The following NKAIN3 variants were observed in gnomAD, a reference collection of about 807,000 sequenced individuals.
NKAIN3 encodes the protein sodium/potassium-transporting ATPase subunit beta-1-interacting protein 3.
NKAIN3 carries 25 observed loss-of-function variants against 30.2 expected under a neutral mutation model. That is an observed-to-expected ratio of 0.83 (90% CI 0.60 to 1.16). NKAIN3 has a LOEUF of 1.16. Ranked by LOEUF, NKAIN3 falls within the 50% of genes most tolerant of loss-of-function variation. The pLI, the probability that NKAIN3 is intolerant of heterozygous loss-of-function variation, is 0.00. For missense variants in NKAIN3, 225 were observed against 254.1 expected (o/e 0.89, Z 0.78); for synonymous variants, 91 against 89.6 (o/e 1.02, Z -0.09).
intron 3 of NKAIN3, among the ~76,000 whole-genome samples, chr8:62,710,022 G>C (rs1586115008): frequency 6.6e-6 from 1 of 152,038 alleles, no homozygotes; most frequent in East Asian, 1.9e-4. Flanking sequence ...CCATGTATTT[G>C]CATTGTTTTG....
intron 1 of NKAIN3, among the ~76,000 whole-genome samples, chr8:62,370,586 A>T (rs913665170): frequency 1.4e-4 from 21 of 152,094 alleles, no homozygotes; most frequent in African/African-American, 4.8e-4. Context: ...TTATTTTCAT[A>T]ATTTGGCTGT....
chr8:62,276,476 A>G (rs1464953830), intron 1 of NKAIN3, among the ~76,000 whole-genome samples: 1 of 152,214 alleles, frequency 6.6e-6, no homozygotes, highest in Non-Finnish European at 1.5e-5. Flanking sequence ...CTAGATATAG[A>G]TCAATTATTG....
chr8:62,352,982 C>G (rs957312221), intron 1 of NKAIN3, among the ~76,000 whole-genome samples: 32 of 152,174 alleles, frequency 2.1e-4, no homozygotes, highest in Non-Finnish European at 1.2e-4. Flanking sequence ...GAACAAGAGT[C>G]CATCTGCCTT....
chr8:62,973,789 T>G lies in NKAIN3; in HGVS notation c.*8382T>G, dbSNP rs1258473329. On this transcript the variant is annotated 3_prime_UTR_variant, in exon 7 of 7. Coordinates refer to ENST00000623646, the MANE Select transcript of NKAIN3 (RefSeq NM_001304533.3). ...CTTAGGTTTTCTTCTAGGGTTTTAATGGCTTTGGGTTTTACATTTAAGTTT... is the reference window on the plus strand; with the variant it reads ...CTTAGGTTTTCTTCTAGGGTTTTAAGGGCTTTGGGTTTTACATTTAAGTTT... Among the ~76,000 whole-genome samples, 6 of 152,240 alleles carry G rather than the reference T, an allele frequency of 3.9e-5. No homozygotes were observed. Among genetic ancestry groups the G allele is most frequent in the Admixed American group, 3.9e-4 (6 of 15,282 alleles).
intron 4 of NKAIN3, among the ~76,000 whole-genome samples, chr8:62,810,706 A>G (rs1439619737): frequency 3.4e-5 from 5 of 145,756 alleles, no homozygotes; most frequent in East Asian, 2.0e-4. Context: ...ATTGATTTAA[A>G]TCTTCCTGGT....
intron 3 of NKAIN3, among the ~76,000 whole-genome samples, chr8:62,713,470 A>G (rs559526347): frequency 1.3e-5 from 2 of 152,366 alleles, no homozygotes; most frequent in South Asian, 4.1e-4. Context: ...TAAAAAATCT[A>G]TATTGCAAAA....
chr8:62,399,899 A>G (rs1300285375), intron 1 of NKAIN3, among the ~76,000 whole-genome samples: 1 of 152,186 alleles, frequency 6.6e-6, no homozygotes, highest in East Asian at 1.9e-4. Context: ...AAGCTTCTTC[A>G]CAGAGTTAAA....
chr8:62,642,475 T>C (rs1812339651), intron 3 of NKAIN3, among the ~76,000 whole-genome samples: 1 of 152,118 alleles, frequency 6.6e-6, no homozygotes, highest in African/African-American at 2.4e-5. Flanking sequence ...GGTGCTGACC[T>C]CTGACTGCCA....
intron 1 of NKAIN3, among the ~76,000 whole-genome samples, chr8:62,345,544 C>T (rs1386383672): frequency 7.1e-6 from 1 of 141,372 alleles, no homozygotes; most frequent in Non-Finnish European, 1.5e-5. Context: ...CACATATATA[C>T]ACATATATGT....
chr8:62,535,771 T>C (rs954805016), intron 1 of NKAIN3, among the ~76,000 whole-genome samples: 9 of 152,094 alleles, frequency 5.9e-5, no homozygotes, highest in African/African-American at 1.9e-4. Flanking sequence ...CTTGGGTTTT[T>C]ATGGAAGCCT....
chr8:62,520,847 T>C (rs1808132272), intron 1 of NKAIN3, among the ~76,000 whole-genome samples: 1 of 151,842 alleles, frequency 6.6e-6, no homozygotes, highest in Non-Finnish European at 1.5e-5. Flanking sequence ...TAAGAAGAAA[T>C]AGAAGTAACT....
At chr8:62,361,107 A>G (rs138212389) in intron 1 of NKAIN3, among the ~76,000 whole-genome samples, 1 of 152,230 alleles carries the variant, frequency 6.6e-6, no homozygotes, top group Admixed American at 6.5e-5. Context: ...CCAACGCAGT[A>G]GAATCACTGG....
intron 3 of NKAIN3, among the ~76,000 whole-genome samples, chr8:62,699,703 TGG>T (rs1814271405): frequency 6.6e-6 from 1 of 152,240 alleles, no homozygotes; most frequent in Non-Finnish European, 1.5e-5. Flanking sequence ...TTAACATTCC[TGG>T]AGTTATGATT....
At chr8:62,421,394 C>T (rs553675747) in intron 1 of NKAIN3, among the ~76,000 whole-genome samples, 3 of 152,256 alleles carry the variant, frequency 2.0e-5, no homozygotes, top group East Asian at 3.9e-4. Flanking sequence ...GAACACCTGT[C>T]TTAACTGTTT....
intron 3 of NKAIN3, among the ~76,000 whole-genome samples, chr8:62,678,363 T>TA (rs1813542955): frequency 6.6e-6 from 1 of 152,172 alleles, no homozygotes; most frequent in African/African-American, 2.4e-5. Flanking sequence ...TAGACATTTT[T>TA]AAAAAACTGT....
At chr8:62,964,815 A>T (rs1261533471) in intron 6 of NKAIN3, among the ~76,000 whole-genome samples, 2 of 151,994 alleles carry the variant, frequency 1.3e-5, no homozygotes, top group Non-Finnish European at 2.9e-5. Flanking sequence ...AAAAATTTAA[A>T]AAAAAACACC....
Position 62,979,420 on chromosome 8 carries a change from G to C in NKAIN3, c.*14013G>C, listed in dbSNP as rs550382492. 1 of 152,162 alleles carries C rather than the reference G, an allele frequency of 6.6e-6. No homozygotes were observed. Among genetic ancestry groups the C allele is most frequent in the African/African-American group, 2.4e-5 (1 of 41,444 alleles). The allele number at this position is 152,162 out of a possible 1,614,324, so 9.4% of individuals were successfully genotyped here. On this transcript the variant is annotated 3_prime_UTR_variant, in exon 7 of 7. Coordinates refer to ENST00000623646, the MANE Select transcript of NKAIN3 (RefSeq NM_001304533.3). ...AAACAAGATTGGGTGACTTATTTAT[G>C]TACACACACATCCACAATCAAACTT...
At chr8:62,367,571 G>T (rs991438145) in intron 1 of NKAIN3, among the ~76,000 whole-genome samples, 1 of 152,084 alleles carries the variant, frequency 6.6e-6, no homozygotes, top group Non-Finnish European at 1.5e-5. Flanking sequence ...AGTATGTAAG[G>T]ATTGCACCTT....
At chr8:62,921,410 C>G (rs956772306) in intron 5 of NKAIN3, among the ~76,000 whole-genome samples, 1 of 152,136 alleles carries the variant, frequency 6.6e-6, no homozygotes, top group Non-Finnish European at 1.5e-5. Context: ...TAACAGCTAC[C>G]ACTTCTCTCC....
Sources: allele counts gnomAD v4.1 joint callset (sites outside exome capture counted in the v4.1 genomes callset), GRCh38; gene constraint gnomAD v4.1.1; transcripts MANE v1.5; gene names NCBI Gene and HGNC (gene_info 2026-07-23, HGNC 2026-07-21).